The following PIKFYVE variants were observed in gnomAD, a reference collection of about 807,000 sequenced individuals.
The protein encoded by PIKFYVE is phosphoinositide kinase, FYVE-type zinc finger containing.
In PIKFYVE, 122 loss-of-function variants were observed where a neutral mutation model predicts 257.9. The observed-to-expected ratio is 0.47, with a 90% CI of 0.41 to 0.55. PIKFYVE has a LOEUF of 0.55. PIKFYVE is among the 20% of genes least tolerant of loss of function. The pLI is 0.00. For missense variants in PIKFYVE, 2,160 were observed against 2,536.6 expected (o/e 0.85, Z 3.19); for synonymous variants, 892 against 868.9 (o/e 1.03, Z -0.47).
At position 208,271,697 on chromosome 2, in the gene PIKFYVE, A is replaced by T. The variant is rs779086681; in HGVS notation, c.172+6A>T. 2.5e-5 allele frequency: 41 copies of T among 1,609,614 alleles called. No homozygotes were observed. The highest frequency in any genetic ancestry group is 3.1e-5 in the Non-Finnish European group (37 of 1,176,088). On this transcript the variant is annotated splice_donor_region_variant and intron_variant, in intron 2 of 41. Transcript: ENST00000264380. ...TCTCTTTCGTTTTAACAAAGGTAAG[A>T]CTTATTAAAGATAAGAGGTTTGATT... is the stretch of plus-strand genomic sequence containing the variant.
Position 208,350,046 on chromosome 2 carries a change from A to G in PIKFYVE, c.5397A>G (p.Thr1799=), listed in dbSNP as rs2118297. The G allele has an allele frequency of 0.97, 1,566,013 of 1,611,464 alleles. 762,413 individuals are homozygous for G. The highest frequency in any genetic ancestry group is 0.98 in the Non-Finnish European group (1,159,367 of 1,178,384). Reference sequence around the variant, plus strand: ...TAGATGAAGTAGATGGAGGAGATACACAAAAGAAGCAACTCATAAATCCTC... The same window carrying G: ...TAGATGAAGTAGATGGAGGAGATACGCAAAAGAAGCAACTCATAAATCCTC... ...EPQDEVDGGD[T]QKKQLINPHV... The change falls in exon 36 of 42, where the codon ACA becomes ACG. Residue 1799 remains threonine, a synonymous_variant. Coordinates refer to ENST00000264380, the MANE Select transcript of PIKFYVE (RefSeq NM_015040.4).
intron 13 of PIKFYVE, among the ~76,000 whole-genome samples, chr2:208,314,037 C>T (rs544230668): frequency 1.8e-4 from 28 of 152,264 alleles, no homozygotes; most frequent in African/African-American, 6.7e-4. Flanking sequence ...AGTTCTGTTT[C>T]TGATTTTGGC....
intron 24 of PIKFYVE, among the ~76,000 whole-genome samples, chr2:208,334,744 G>A (rs1697944053): frequency 6.6e-6 from 1 of 152,192 alleles, no homozygotes; most frequent in Non-Finnish European, 1.5e-5. Flanking sequence ...TATGAGAACA[G>A]GAATTGTTAG....
At chr2:208,305,301 A>G (rs954368415) in intron 12 of PIKFYVE, 3 of 1,281,882 alleles carry the variant, frequency 2.3e-6, no homozygotes, top group African/African-American at 3.0e-5. Flanking sequence ...GCAACTTCCA[A>G]GGTGGCATTT....
intron 7 of PIKFYVE, among the ~76,000 whole-genome samples, chr2:208,290,558 C>T (rs185900605): frequency 2.6e-4 from 39 of 152,234 alleles, no homozygotes; most frequent in Admixed American, 2.4e-3. Flanking sequence ...TTATCAGTTA[C>T]GAGCAAGGCT....
intron 5 of PIKFYVE, 57 bp from the exon 6 acceptor site, chr2:208,285,669 G>C: frequency 6.8e-7 from 1 of 1,461,156 alleles, no homozygotes; most frequent in Non-Finnish European, 9.6e-7. Context: ...TAAGCAATAT[G>C]TTACTGCTAT....
In PIKFYVE at chr2:208,354,132, A is replaced by G. The variant is rs374974397; in HGVS notation, c.6079A>G (p.Ser2027Gly). Residue 2027 changes from serine (S) to glycine (G), a missense_variant, in exon 40 of 42, where the codon AGC becomes GGC. Ser to Gly is a moderately conservative substitution (Grantham distance 56, BLOSUM62 0). Coordinates refer to ENST00000264380, the MANE Select transcript of PIKFYVE (RefSeq NM_015040.4). Reference sequence around the variant, plus strand: ...TTTGCTGGTTGGGCGAGATGATACTAGCAATGAGCTAGTAGTTGGAATTAT... The same window carrying G: ...TTTGCTGGTTGGGCGAGATGATACTGGCAATGAGCTAGTAGTTGGAATTAT... ...YSLLVGRDDT[S>G]NELVVGIIDY... 1 of 1,613,764 alleles carries G rather than the reference A, an allele frequency of 6.2e-7. No homozygotes were observed. Among genetic ancestry groups the G allele is most frequent in the Non-Finnish European group, 8.5e-7 (1 of 1,179,880 alleles).
intron 40 of PIKFYVE, 104 bp downstream of exon 40, chr2:208,354,263 CAA>C (rs753941559): frequency 7.2e-6 from 10 of 1,384,484 alleles, no homozygotes; most frequent in Non-Finnish European, 9.9e-6. Flanking sequence ...AATATTTTCA[CAA>C]ACTTTCATTT....
chr2:208,327,216 T>C (rs1217020957), intron 20 of PIKFYVE, among the ~76,000 whole-genome samples: 5 of 152,158 alleles, frequency 3.3e-5, no homozygotes, highest in African/African-American at 1.2e-4. Context: ...ACACCTTTCA[T>C]AAATTTTATG....
intron 1 of PIKFYVE, among the ~76,000 whole-genome samples, chr2:208,267,070 T>C (rs1270024473): frequency 6.6e-6 from 1 of 152,218 alleles, no homozygotes; most frequent in East Asian, 1.9e-4. Flanking sequence ...AGTCAAGAAA[T>C]ATAAGAAGTG....
rs559097695 is a variant in PIKFYVE at position 208,357,824 on chromosome 2, C to T, written c.*2519C>T. 1.3e-5 allele frequency: 2 copies of T among 152,244 alleles called. No homozygotes were observed. The highest frequency in any genetic ancestry group is 2.9e-5 in the Non-Finnish European group (2 of 68,022). 9.4% of individuals were successfully genotyped at this position (152,244 alleles called of 1,614,324 possible). ...TAGGAATGAGGAAGAAATCTTAATA[C>T]TTCCTTCCTTAACATACAACATGAG... On this transcript the variant is annotated 3_prime_UTR_variant, in exon 42 of 42. Transcript: ENST00000264380.
chr2:208,271,411 T>C, intron 1 of PIKFYVE, 100 bp from the exon 2 acceptor site: 2 of 1,164,366 alleles, frequency 1.7e-6, no homozygotes. Context: ...AGTCTGACTT[T>C]TCACAGAATA....
intron 17 of PIKFYVE, among the ~76,000 whole-genome samples, chr2:208,322,372 C>CT (rs1257969672): frequency 4.2e-5 from 2 of 47,536 alleles, no homozygotes; most frequent in Non-Finnish European, 8.6e-5. Flanking sequence ...GACCCTGTCT[C>CT]TTAAAAAAAA....
chr2:208,275,569 G>T (rs752991169), intron 3 of PIKFYVE, among the ~76,000 whole-genome samples: 9 of 152,162 alleles, frequency 5.9e-5, no homozygotes, highest in Non-Finnish European at 1.0e-4. Context: ...TAACTTTATA[G>T]AAAGATAAAA....
rs1222671884 is a variant in PIKFYVE at position 208,326,325 on chromosome 2, C to T, written c.3514C>T (p.His1172Tyr). The T allele has an allele frequency of 2.5e-6, 4 of 1,612,214 alleles. No individual in the cohort carries two copies. The highest frequency in any genetic ancestry group is 1.7e-5 in the Admixed American group (1 of 59,730). The change falls in exon 20 of 42, where the codon CAT becomes TAT. Residue 1172 changes from histidine (H) to tyrosine (Y), a missense_variant. Physicochemically the swap from His to Tyr is moderately conservative, Grantham distance 83 (BLOSUM62 2). Transcript: ENST00000264380. Reference protein sequence around the residue: ...IQPKNSDPFAHSKDASSTSSG... With the variant: ...IQPKNSDPFAYSKDASSTSSG... ...GCCCAAAAATTCAGACCCTTTTGCT[C>T]ATTCAAAGGATGCATCAAGTACTTC... is the stretch of plus-strand genomic sequence containing the variant.
intron 6 of PIKFYVE, among the ~76,000 whole-genome samples, chr2:208,287,417 G>T (rs927640923): frequency 6.6e-6 from 1 of 151,806 alleles, no homozygotes; most frequent in African/African-American, 2.4e-5. Context: ...GGACTTACAG[G>T]TGCCCACCAC....
intron 5 of PIKFYVE, among the ~76,000 whole-genome samples, chr2:208,281,435 C>T (rs918652919): frequency 7.2e-5 from 11 of 152,180 alleles, no homozygotes; most frequent in African/African-American, 2.7e-4. Flanking sequence ...ATTATCCATT[C>T]CCACATGTAT....
At chr2:208,328,045 C>T (rs1697131527) in intron 20 of PIKFYVE, 135 bp from the exon 21 acceptor site, 2 of 1,513,702 alleles carry the variant, frequency 1.3e-6, no homozygotes, top group Admixed American at 2.0e-5. Context: ...ATTTAGTTTT[C>T]TGTAGTTTTA....
At chr2:208,313,599 T>C (rs1045493511) in intron 13 of PIKFYVE, among the ~76,000 whole-genome samples, 8 of 150,844 alleles carry the variant, frequency 5.3e-5, no homozygotes, top group Non-Finnish European at 1.2e-4. Flanking sequence ...TTTTTTTTTT[T>C]TGAGATGGAG....
Sources: allele counts gnomAD v4.1 joint callset (sites outside exome capture counted in the v4.1 genomes callset), GRCh38; gene constraint gnomAD v4.1.1; transcripts MANE v1.5; gene names NCBI Gene and HGNC (gene_info 2026-07-23, HGNC 2026-07-21).